Variants in AGO3 observed in about 807,000 individuals in gnomAD.
AGO3 encodes the protein argonaute RISC catalytic component 3, also known as protein argonaute-3.
Under a neutral mutation model 105.5 loss-of-function variants are expected in AGO3, and 16 were observed. The ratio of observed to expected loss-of-function variants is 0.15; its 90% CI spans 0.10 to 0.23. The LOEUF is 0.23. Among genes scored for constraint, AGO3 ranks in the 10% least tolerant of loss-of-function variants. The pLI, the probability that AGO3 is intolerant of heterozygous loss-of-function variation, is 1.00. For synonymous variants in AGO3, 340 were observed against 367.3 expected (o/e 0.93, Z 0.85); for missense variants, 534 against 1,088.0 (o/e 0.49, Z 7.16).
chr1:36,032,269 A>G (rs1293680832), intron 12 of AGO3, among the ~76,000 whole-genome samples: 1 of 152,152 alleles, frequency 6.6e-6, no homozygotes, highest in East Asian at 1.9e-4. Context: ...GTGAAGTGGT[A>G]TCTCATAATG....
chr1:36,007,126 T>C (rs1196328570), intron 6 of AGO3, among the ~76,000 whole-genome samples: 1 of 152,190 alleles, frequency 6.6e-6, no homozygotes, highest in Non-Finnish European at 1.5e-5. Context: ...TCTCCAGACA[T>C]TGCCAAATGT....
At chr1:35,968,532 T>A (rs906612279) in intron 3 of AGO3, among the ~76,000 whole-genome samples, 1 of 152,186 alleles carries the variant, frequency 6.6e-6, no homozygotes, top group Non-Finnish European at 1.5e-5. Flanking sequence ...ATAGATTGTT[T>A]GTCTTTTTAT....
Position 36,008,652 on chromosome 1 carries a change from G to C in AGO3, c.794-38G>C. 1 of 1,586,032 alleles carries C rather than the reference G, an allele frequency of 6.3e-7. No individual in the cohort carries two copies. The highest frequency in any genetic ancestry group is 8.6e-7 in the Non-Finnish European group (1 of 1,156,096). On this transcript the variant is annotated intron_variant, in intron 6 of 18. Transcript: ENST00000373191. This position sits in a 1 kb window ranked among gnomAD's most constrained non-coding sequence, Gnocchi z 5.1. ...TTATAAGTATAAATATTTTACATGTGACAGTTCTGTAACCTCCATTTTTCT... is the reference window on the plus strand; with the variant it reads ...TTATAAGTATAAATATTTTACATGTCACAGTTCTGTAACCTCCATTTTTCT...
chr1:35,976,264 C>CT (rs1286108991), intron 5 of AGO3, among the ~76,000 whole-genome samples: 1 of 152,042 alleles, frequency 6.6e-6, no homozygotes, highest in Non-Finnish European at 1.5e-5. Context: ...ATATTTTCTC[C>CT]TTTTTGTTGC....
chr1:35,972,378 T>C, intron 4 of AGO3, 146 bp downstream of exon 4: 2 of 968,140 alleles, frequency 2.1e-6, no homozygotes, highest in Non-Finnish European at 3.0e-6. Context: ...ACAAATTCAT[T>C]GACAGGAGTA....
rs530918004 is a variant in AGO3 at position 36,002,831 on chromosome 1, G to A, written c.659-1510G>A. On this transcript the variant is annotated intron_variant, in intron 5 of 18. Coordinates refer to ENST00000373191, the MANE Select transcript of AGO3 (RefSeq NM_024852.4). The stretch of plus-strand genomic sequence containing the variant: ...ACGCTCCTGACCTCGTGATCCTCCC[G>A]CCTCGGCCTCCCAAAGTGCTGGGAT... Among the ~76,000 whole-genome samples, 119 of 152,068 alleles carry A rather than the reference G, an allele frequency of 7.8e-4. 2 individuals are homozygous for A. The South Asian group carries it at 0.023, about 30-fold the overall frequency.
chr1:36,026,444 A>G (rs1214671942), intron 11 of AGO3, among the ~76,000 whole-genome samples: 1 of 152,164 alleles, frequency 6.6e-6, no homozygotes, highest in Non-Finnish European at 1.5e-5. Flanking sequence ...TATTTTAAAA[A>G]AATCCTCTGA....
chr1:35,961,069 G>A (rs1255120486), intron 2 of AGO3, among the ~76,000 whole-genome samples: 4 of 150,806 alleles, frequency 2.7e-5, no homozygotes, highest in Non-Finnish European at 4.4e-5. Flanking sequence ...TCAGGCTCCC[G>A]AGTAGCTGGG....
At chr1:35,994,460 T>C (rs1037577290) in intron 5 of AGO3, among the ~76,000 whole-genome samples, 2 of 152,200 alleles carry the variant, frequency 1.3e-5, no homozygotes, top group Non-Finnish European at 2.9e-5. Context: ...ATTGTACACT[T>C]TTGCCCTAAA....
At chr1:36,001,981 T>C (rs1640105894) in intron 5 of AGO3, among the ~76,000 whole-genome samples, 1 of 152,200 alleles carries the variant, frequency 6.6e-6, no homozygotes, top group Non-Finnish European at 1.5e-5. Context: ...AATGAAGTTA[T>C]AAAGATAAAA....
At chr1:36,003,551 G>A (rs1460904248) in intron 5 of AGO3, among the ~76,000 whole-genome samples, 2 of 151,482 alleles carry the variant, frequency 1.3e-5, no homozygotes, top group Admixed American at 6.6e-5. Context: ...TATATTGGTC[G>A]GACGTGGTGG....
upstream of AGO3, chr1:35,930,936 G>A (rs1307103155): frequency 9.9e-5 from 29 of 292,514 alleles, no homozygotes; most frequent in South Asian, 4.4e-3. Context: ...GTACGGCCGA[G>A]CCCGCCGCAT....
chr1:35,971,459 T>C (rs920500494), intron 3 of AGO3, among the ~76,000 whole-genome samples: 1 of 148,032 alleles, frequency 6.8e-6, no homozygotes, highest in African/African-American at 2.5e-5. Flanking sequence ...GCGCCTGGCC[T>C]TTTTTTTTTC....
At chr1:35,963,807 G>T (rs947115511) in intron 2 of AGO3, among the ~76,000 whole-genome samples, 3 of 152,158 alleles carry the variant, frequency 2.0e-5, no homozygotes, top group African/African-American at 7.2e-5. Context: ...CAAAGACGTG[G>T]TGTCAACAAC....
At chr1:35,977,205 C>T (rs1646969055) in intron 5 of AGO3, among the ~76,000 whole-genome samples, 1 of 146,284 alleles carries the variant, frequency 6.8e-6, no homozygotes, top group African/African-American at 2.6e-5. Flanking sequence ...GTATCAAAAG[C>T]TCGTGTAACC....
Position 36,027,518 on chromosome 1 carries a change from C to T in AGO3, c.1591+220C>T, listed in dbSNP as rs1641557534. On this transcript the variant is annotated intron_variant, in intron 12 of 18. Coordinates refer to ENST00000373191, the MANE Select transcript of AGO3 (RefSeq NM_024852.4). This position sits in a 1 kb window ranked among gnomAD's most constrained non-coding sequence, Gnocchi z 4.0. ...CCGGGCTGGGCGTGGTGGCTCACGC[C>T]TGTAATCCCAGCACTTTGGGAGGCC... Among the ~76,000 whole-genome samples, 1 of 152,200 alleles carries T rather than the reference C, an allele frequency of 6.6e-6. No homozygotes were observed. The highest frequency in any genetic ancestry group is 2.1e-4 in the South Asian group (1 of 4,832).
chr1:35,977,598 G>A (rs928276054), intron 5 of AGO3, among the ~76,000 whole-genome samples: 6 of 151,876 alleles, frequency 4.0e-5, no homozygotes, highest in African/African-American at 7.3e-5. Flanking sequence ...TCACCATGTT[G>A]CCCAGGCTGG....
Position 36,068,217 on chromosome 1 carries a change from A to G in AGO3, c.*12472A>G, listed in dbSNP as rs1569982470. 6.6e-6 allele frequency: 1 copy of G among 152,350 alleles called. No individual in the cohort carries two copies. The highest frequency in any genetic ancestry group is 1.9e-4 in the East Asian group (1 of 5,192). The allele number at this position is 152,350 out of a possible 1,614,324, so 9.4% of individuals were successfully genotyped here. A position where few individuals can be genotyped will look rare whatever the true frequency, so the allele number is the denominator to read the frequency against. On this transcript the variant is annotated 3_prime_UTR_variant, in exon 19 of 19. Coordinates refer to ENST00000373191, the MANE Select transcript of AGO3 (RefSeq NM_024852.4). ...CAATGTAACTTTAACATATATGAAG[A>G]GAAATTCTAACTCAGTTAAGTGAGA...
chr1:35,974,917 C>T (rs963947661), intron 5 of AGO3, among the ~76,000 whole-genome samples: 2 of 152,106 alleles, frequency 1.3e-5, no homozygotes, highest in African/African-American at 2.4e-5. Flanking sequence ...GACATTCCTC[C>T]AAGGATCCCT....
Sources: allele counts gnomAD v4.1 joint callset (sites outside exome capture counted in the v4.1 genomes callset), GRCh38; gene constraint gnomAD v4.1.1; non-coding constraint Gnocchi (gnomAD v3.1); transcripts MANE v1.5; gene names NCBI Gene and HGNC (gene_info 2026-07-23, HGNC 2026-07-21).